The following CRACD variants were observed in gnomAD, a reference collection of about 807,000 sequenced individuals.
CRACD encodes capping protein inhibiting regulator of actin dynamics.
Under a neutral mutation model 106.8 loss-of-function variants are expected in CRACD, and 56 were observed. That is an observed-to-expected ratio of 0.52 (90% CI 0.42 to 0.66). The LOEUF (loss-of-function observed/expected upper bound fraction) is 0.66, where lower values mean the gene tolerates loss of function less well. Ranked by LOEUF, CRACD falls within the 30% of genes least tolerant of loss-of-function variation. The pLI is 0.00. For missense variants in CRACD, 1,730 were observed against 1,623.2 expected, an observed-to-expected ratio of 1.07 and a Z score of -1.13; for synonymous variants, 754 against 670.8, an observed-to-expected ratio of 1.12 and a Z score of -1.92.
intron 2 of CRACD, among the ~76,000 whole-genome samples, chr4:56,251,863 G>A (rs1357244769): frequency 6.6e-6 from 1 of 152,170 alleles, no homozygotes. Flanking sequence ...GCATCTAAAT[G>A]CCTAACTTAC....
intron 1 of CRACD, among the ~76,000 whole-genome samples, chr4:56,140,406 T>A (rs1735152690): frequency 6.6e-6 from 1 of 152,228 alleles, no homozygotes; most frequent in Non-Finnish European, 1.5e-5. Context: ...CTATTAGAGT[T>A]GTCCTTTGCT....
chr4:56,201,852 T>C (rs1737896104), intron 2 of CRACD, among the ~76,000 whole-genome samples: 1 of 152,212 alleles, frequency 6.6e-6, no homozygotes. Flanking sequence ...AGTCTCTTAA[T>C]TGAGGAATAC....
chr4:56,071,030 C>T (rs1031298725), intron 1 of CRACD, among the ~76,000 whole-genome samples: 2 of 152,126 alleles, frequency 1.3e-5, no homozygotes, highest in African/African-American at 4.8e-5. Context: ...ATTTTGCCAT[C>T]ATTGACTACC....
Position 56,277,812 on chromosome 4 carries a change from T to C in CRACD, c.-17+5320T>C, listed in dbSNP as rs367983789. Among the ~76,000 whole-genome samples the C allele has an allele frequency of 6.6e-5, 10 of 152,344 alleles. No homozygotes were observed. In the East Asian group the frequency reaches 7.7e-4, roughly 12 times the overall value. On this transcript the variant is annotated intron_variant, in intron 3 of 10. Coordinates refer to ENST00000682029, the MANE Select transcript of CRACD (RefSeq NM_001393381.1). ...TAATAAACAAGATTGAGCAAAGTTA[T>C]AGGATACAAGATTGGAGTTTTTGTA... is the stretch of plus-strand genomic sequence containing the variant.
intron 3 of CRACD, chr4:56,288,407 C>T (rs536028321): frequency 9.2e-6 from 2 of 217,520 alleles, no homozygotes; most frequent in African/African-American, 2.3e-5. Flanking sequence ...TCCCTCTCTC[C>T]TATTGGAGTC....
intron 3 of CRACD, among the ~76,000 whole-genome samples, chr4:56,275,672 A>G (rs1428045660): frequency 1.3e-5 from 2 of 152,228 alleles, no homozygotes; most frequent in African/African-American, 4.8e-5. Context: ...GGTTCAATTA[A>G]CAGACTGTTA....
At chr4:56,145,452 C>T (rs548280353) in intron 1 of CRACD, among the ~76,000 whole-genome samples, 143 of 152,186 alleles carry the variant, frequency 9.4e-4, no homozygotes, top group Middle Eastern at 6.8e-3. Context: ...GTTTTCAAAA[C>T]CTTTTTCTCC....
chr4:56,265,296 T>C (rs1250461592), intron 2 of CRACD, among the ~76,000 whole-genome samples: 2 of 152,208 alleles, frequency 1.3e-5, no homozygotes, highest in African/African-American at 4.8e-5. Context: ...GTTGTATACA[T>C]GTTTGAAATC....
chr4:56,273,939 T>G (rs572859872), intron 3 of CRACD, among the ~76,000 whole-genome samples: 1 of 152,332 alleles, frequency 6.6e-6, no homozygotes, highest in South Asian at 2.1e-4. Flanking sequence ...TAAATTCTAA[T>G]GAACACTGCT....
At chr4:56,137,368 T>C (rs555585235) in intron 1 of CRACD, among the ~76,000 whole-genome samples, 71 of 152,290 alleles carry the variant, frequency 4.7e-4, no homozygotes, top group African/African-American at 1.7e-3. Context: ...AACATTGTTA[T>C]GCGGCTCATG....
At chr4:56,182,576 G>C (rs1411335431) in intron 2 of CRACD, among the ~76,000 whole-genome samples, 2 of 152,052 alleles carry the variant, frequency 1.3e-5, no homozygotes, top group Non-Finnish European at 2.9e-5. Context: ...TATCAGGCTG[G>C]AGCTGACAAG....
At chr4:56,320,460 G>A (rs899309383) in intron 8 of CRACD, among the ~76,000 whole-genome samples, 3 of 152,166 alleles carry the variant, frequency 2.0e-5, no homozygotes, top group Non-Finnish European at 4.4e-5. Flanking sequence ...TCAAAACCTT[G>A]ACTGTAATAA....
chr4:56,105,625 CTAT>C (rs1156249591), intron 1 of CRACD, among the ~76,000 whole-genome samples: 1 of 152,148 alleles, frequency 6.6e-6, no homozygotes, highest in East Asian at 1.9e-4. Flanking sequence ...TAAGCGTTGG[CTAT>C]TATTATTTAT....
At chr4:56,155,201 G>A (rs1335244531) in intron 1 of CRACD, among the ~76,000 whole-genome samples, 2 of 152,084 alleles carry the variant, frequency 1.3e-5, no homozygotes, top group Non-Finnish European at 2.9e-5. Context: ...TGAAGGAGGG[G>A]CCCCTATTTG....
rs185311141 is a variant in CRACD at position 56,294,644 on chromosome 4, C to T, written c.-16-3570C>T. On this transcript the variant is annotated intron_variant, in intron 3 of 10. Coordinates refer to ENST00000682029, the MANE Select transcript of CRACD (RefSeq NM_001393381.1). Reference sequence around the variant, plus strand: ...AAATTTATGTAGAAGCCAGGTGTGGCGGCTCACGCCTATAATCCCAGTACT... The same window carrying T: ...AAATTTATGTAGAAGCCAGGTGTGGTGGCTCACGCCTATAATCCCAGTACT... Among the ~76,000 whole-genome samples, 111 of 152,062 alleles carry T rather than the reference C, an allele frequency of 7.3e-4. 2 individuals carry two copies. The highest frequency in any genetic ancestry group is 1.2e-3 in the Non-Finnish European group (83 of 67,976).
In CRACD at chr4:56,263,761, A is replaced by C. The variant is rs904100174; in HGVS notation, c.-188-8560A>C. ...AAGATCAATTCACACATGGGCTGGCACAAGAGAAACATGAGCAAAGCACAC... is the reference window on the plus strand; with the variant it reads ...AAGATCAATTCACACATGGGCTGGCCCAAGAGAAACATGAGCAAAGCACAC... On this transcript the variant is annotated intron_variant, in intron 2 of 10. Transcript: ENST00000682029. Among the ~76,000 whole-genome samples the C allele has an allele frequency of 5.3e-5, 8 of 152,234 alleles. No homozygotes were observed. In the East Asian group the frequency reaches 1.5e-3, roughly 29 times the overall value.
chr4:56,089,703 G>A (rs1026593638), intron 1 of CRACD, among the ~76,000 whole-genome samples: 119 of 151,896 alleles, frequency 7.8e-4, no homozygotes, highest in African/African-American at 2.5e-3. Flanking sequence ...TAGTAGAGGC[G>A]GGATTTCTCT....
chr4:56,129,270 G>A (rs1734751422), intron 1 of CRACD, among the ~76,000 whole-genome samples: 1 of 152,160 alleles, frequency 6.6e-6, no homozygotes, highest in Non-Finnish European at 1.5e-5. Context: ...GGCTCCCTAG[G>A]TTGCCCAGGC....
chr4:56,236,739 A>G (rs557263553), intron 2 of CRACD, among the ~76,000 whole-genome samples: 3 of 143,954 alleles, frequency 2.1e-5, no homozygotes, highest in Admixed American at 7.0e-5. Flanking sequence ...TTCAAAGACT[A>G]AAAAAAAAAA....
Sources: gnomAD v4.1 joint callset for allele counts (sites outside exome capture counted in the v4.1 genomes callset) on GRCh38, gnomAD v4.1.1 for gene constraint, MANE v1.5 for transcripts, NCBI Gene and HGNC (gene_info 2026-07-23, HGNC 2026-07-21) for gene names.